WDPCP: variants seen among roughly 807,000 people sequenced by gnomAD.
The protein encoded by WDPCP is WD repeat-containing and planar cell polarity effector protein fritz homolog.
Under a neutral mutation model 93.1 loss-of-function variants are expected in WDPCP, and 71 were observed. The ratio of observed to expected loss-of-function variants is 0.76; its 90% CI spans 0.63 to 0.93. The LOEUF is 0.93. WDPCP is among the 40% of genes least tolerant of loss of function. WDPCP has a pLI of 0.00. For missense variants in WDPCP, 844 were observed against 887.4 expected (o/e 0.95, Z 0.62); for synonymous variants, 315 against 315.0 (o/e 1.00, Z 0.00).
At chr2:63,820,737 A>G (rs1041482935) in intron 1 of WDPCP, among the ~76,000 whole-genome samples, 59 of 152,086 alleles carry the variant, frequency 3.9e-4, no homozygotes, top group African/African-American at 1.4e-3. Flanking sequence ...GACAAACTTA[A>G]TATTTGTATC....
intron 2 of WDPCP, among the ~76,000 whole-genome samples, chr2:63,810,092 A>G (rs1670840836): frequency 6.6e-6 from 1 of 152,198 alleles, no homozygotes; most frequent in South Asian, 2.1e-4. Context: ...AAAAATAAGC[A>G]ATATACAAAG....
At chr2:63,700,282 C>CAAAAAAAAAAAAAAAAAAAAAAAAAAAAA (rs1196006011) in intron 2 of WDPCP, among the ~76,000 whole-genome samples, 1 of 41,574 alleles carries the variant, frequency 2.4e-5, no homozygotes, top group African/African-American at 1.0e-4. Context: ...GACCCTGTCT[C>CAAAAAAAAAAAAAAAAAAAAAAAAAAAAA]AAAAAAAAAA....
intron 3 of WDPCP, among the ~76,000 whole-genome samples, chr2:63,624,052 A>G (rs764124038): frequency 6.6e-6 from 1 of 152,228 alleles, no homozygotes; most frequent in Non-Finnish European, 1.5e-5. Flanking sequence ...GCACAACTAC[A>G]TGGACACTAA....
chr2:63,328,614 C>T lies in WDPCP; in HGVS notation c.1749-15303G>A, dbSNP rs960227530. Among the ~76,000 whole-genome samples, 11 of 152,202 alleles carry T rather than the reference C, an allele frequency of 7.2e-5. No individual in the cohort carries two copies. The South Asian group carries it at 1.0e-3, about 14-fold the overall frequency. On this transcript the variant is annotated intron_variant, in intron 12 of 17. Coordinates refer to ENST00000272321, the MANE Select transcript of WDPCP (RefSeq NM_015910.7). ...CTGTAACACTCACTGCGAGCGTCCGCGGCTTCATTCTTGAAGTCAGTGAGA... is the reference window on the plus strand; with the variant it reads ...CTGTAACACTCACTGCGAGCGTCCGTGGCTTCATTCTTGAAGTCAGTGAGA...
chr2:63,286,958 G>A (rs1317442879), intron 13 of WDPCP, among the ~76,000 whole-genome samples: 1 of 152,144 alleles, frequency 6.6e-6, no homozygotes, highest in African/African-American at 2.4e-5. Context: ...CTAAACAACA[G>A]AAATTTATTT....
intron 3 of WDPCP, among the ~76,000 whole-genome samples, chr2:63,611,524 C>T (rs1709614495): frequency 6.6e-6 from 1 of 151,908 alleles, no homozygotes; most frequent in Admixed American, 6.6e-5. Flanking sequence ...TTAGAAAGTA[C>T]CTTTTTGGTA....
intron 14 of WDPCP, among the ~76,000 whole-genome samples, chr2:63,253,926 C>T (rs866481282): frequency 1.3e-5 from 2 of 152,116 alleles, no homozygotes; most frequent in African/African-American, 4.8e-5. Flanking sequence ...AAGACACATG[C>T]ACTTGTATGT....
At chr2:63,391,467 T>C (rs533037735) in intron 10 of WDPCP, among the ~76,000 whole-genome samples, 19 of 152,256 alleles carry the variant, frequency 1.2e-4, no homozygotes, top group African/African-American at 4.1e-4. Flanking sequence ...AAGCATTCCC[T>C]TTGAAAACCG....
intron 2 of WDPCP, among the ~76,000 whole-genome samples, chr2:63,755,362 C>T (rs1319380940): frequency 6.6e-6 from 1 of 152,120 alleles, no homozygotes; most frequent in Non-Finnish European, 1.5e-5. Flanking sequence ...TACACTTACT[C>T]GCATGGCTAC....
At chr2:63,532,804 A>T (rs1703962915) in intron 1 of WDPCP, among the ~76,000 whole-genome samples, 1 of 152,228 alleles carries the variant, frequency 6.6e-6, no homozygotes, top group Admixed American at 6.5e-5. Flanking sequence ...GCATCAACTA[A>T]CGAGCAAAAT....
chr2:63,244,039 T>C (rs1680074165), intron 14 of WDPCP, among the ~76,000 whole-genome samples: 1 of 152,088 alleles, frequency 6.6e-6, no homozygotes, highest in South Asian at 2.1e-4. Context: ...ACGACACTCT[T>C]AGACCACAGT....
At chr2:63,621,310 A>T (rs766065567) in intron 3 of WDPCP, among the ~76,000 whole-genome samples, 7 of 152,050 alleles carry the variant, frequency 4.6e-5, no homozygotes, top group Non-Finnish European at 7.4e-5. Context: ...AACTAGAATA[A>T]CCAGTTTAGA....
At chr2:63,695,285 A>G (rs1039007825) in intron 2 of WDPCP, among the ~76,000 whole-genome samples, 5 of 152,210 alleles carry the variant, frequency 3.3e-5, no homozygotes, top group African/African-American at 4.8e-5. Flanking sequence ...AAGACTACAT[A>G]TGCTTCATAT....
intron 6 of WDPCP, among the ~76,000 whole-genome samples, chr2:63,457,340 T>C (rs954832592): frequency 2.6e-5 from 4 of 151,654 alleles, no homozygotes; most frequent in South Asian, 2.1e-4. Context: ...AGTCTCCCTA[T>C]AAAGAAAAGC....
intron 3 of WDPCP, among the ~76,000 whole-genome samples, chr2:63,616,398 G>A (rs1709674026): frequency 6.6e-6 from 1 of 152,156 alleles, no homozygotes; most frequent in Admixed American, 6.5e-5. Flanking sequence ...GAGGGTAAAG[G>A]GGCTGAAAAT....
At chr2:63,414,470 TATACAC>T (rs1156324023) in intron 9 of WDPCP, among the ~76,000 whole-genome samples, 1 of 117,002 alleles carries the variant, frequency 8.5e-6, no homozygotes, top group Non-Finnish European at 1.9e-5. Flanking sequence ...TACACACACA[TATACAC>T]ACACACACAC....
chr2:63,490,903 T>G (rs937775517), intron 2 of WDPCP, among the ~76,000 whole-genome samples: 1 of 152,228 alleles, frequency 6.6e-6, no homozygotes, highest in East Asian at 1.9e-4. Context: ...GATTAAAAGG[T>G]TGACCATCTC....
At chr2:63,828,462 A>C (rs181109388), upstream of WDPCP, among the ~76,000 whole-genome samples, 854 of 152,266 alleles carry the variant, frequency 5.6e-3, 5 homozygotes, top group Non-Finnish European at 7.6e-3. Flanking sequence ...CCAAGAATAT[A>C]TATCTATGTG....
chr2:63,149,871 T>C (rs932192558), intron 17 of WDPCP, among the ~76,000 whole-genome samples: 1 of 152,154 alleles, frequency 6.6e-6, no homozygotes, highest in Non-Finnish European at 1.5e-5. Context: ...CATGGTGGCA[T>C]GCACCTATAA....
Sources: gnomAD v4.1 joint callset for allele counts (sites outside exome capture counted in the v4.1 genomes callset) on GRCh38, gnomAD v4.1.1 for gene constraint, MANE v1.5 for transcripts, NCBI Gene and HGNC (gene_info 2026-07-23, HGNC 2026-07-21) for gene names.